Variants in OTOG observed in about 807,000 individuals in gnomAD.
The protein encoded by OTOG is otogelin.
A neutral mutation model predicts 313.8 loss-of-function variants in OTOG; 296 were observed. The ratio of observed to expected loss-of-function variants is 0.94; its 90% confidence interval spans 0.86 to 1.04. The LOEUF (loss-of-function observed/expected upper bound fraction) is 1.04. Ranked by LOEUF, OTOG falls within the 50% of genes least tolerant of loss-of-function variation. The pLI is 0.00. For missense variants in OTOG, 3,948 were observed against 3,840.1 expected (o/e 1.03, Z -0.74); for synonymous variants, 1,533 against 1,554.9 (o/e 0.99, Z 0.33).
At chr11:17,635,585 C>G (rs1854245129) in intron 46 of OTOG, 25 bp from the exon 47 acceptor site, 5 of 1,530,060 alleles carry the variant, frequency 3.3e-6, no homozygotes, top group Non-Finnish European at 4.4e-6. Flanking sequence ...ACTGCTGTGA[C>G]AGCATTGACC....
chr11:17,619,529 A>G (rs1293632662), intron 39 of OTOG, among the ~76,000 whole-genome samples: 1 of 151,422 alleles, frequency 6.6e-6, no homozygotes, highest in Non-Finnish European at 1.5e-5. Flanking sequence ...TTCATCTCCA[A>G]TGTTGGATTA....
intron 47 of OTOG, among the ~76,000 whole-genome samples, chr11:17,636,245 G>A (rs1307262517): frequency 6.6e-6 from 1 of 152,112 alleles, no homozygotes; most frequent in African/African-American, 2.4e-5. Flanking sequence ...TATAGTATGT[G>A]CATATCATGT....
chr11:17,552,766 C>T (rs990981555), intron 4 of OTOG, among the ~76,000 whole-genome samples: 5 of 152,258 alleles, frequency 3.3e-5, no homozygotes, highest in African/African-American at 9.6e-5. Context: ...GGAGCAGCAG[C>T]TGCAGATCTC....
chr11:17,553,160 G>C lies in OTOG; in HGVS notation c.334G>C (p.Ala112Pro). Reference protein sequence around the residue: ...CFNGGECVHPAFCDCRRFNAT... With the variant: ...CFNGGECVHPPFCDCRRFNAT... ...CAATGGAGGCGAGTGTGTGCACCCAGCCTTCTGTGACTGCAGACGCTTCAA... is the reference window on the plus strand; with the variant it reads ...CAATGGAGGCGAGTGTGTGCACCCACCCTTCTGTGACTGCAGACGCTTCAA... The change falls in exon 5 of 56, where the codon GCC becomes CCC. Residue 112 changes from alanine to proline, a missense_variant. Ala to Pro is a conservative substitution (Grantham distance 27). Transcript: ENST00000399397. The C allele has an allele frequency of 6.4e-7, 1 of 1,550,546 alleles. No homozygotes were observed.
Position 17,576,465 on chromosome 11 carries a change from C to T in OTOG, c.2487-91C>T, listed in dbSNP as rs1033371936. 3.1e-6 allele frequency: 3 copies of T among 976,498 alleles called. No homozygotes were observed. The African/African-American group carries it at 4.8e-5, about 16-fold the overall frequency. The allele number at this position is 976,498 out of a possible 1,614,324, so 60.5% of individuals were successfully genotyped here. A position where few individuals can be genotyped will look rare whatever the true frequency, so the allele number is the denominator to read the frequency against. ...TACTTTTCCCTGTGTCCTTATGCAC[C>T]TGGTTGGCTGAGGGTGGGGTCCCTG... On this transcript the variant is annotated intron_variant, in intron 20 of 55. Coordinates refer to ENST00000399397, the MANE Select transcript of OTOG (RefSeq NM_001292063.2).
intron 39 of OTOG, among the ~76,000 whole-genome samples, chr11:17,628,154 T>C (rs1318097756): frequency 1.3e-5 from 2 of 152,114 alleles, no homozygotes; most frequent in Non-Finnish European, 2.9e-5. Flanking sequence ...CATTGTTAGG[T>C]TACATATTTG....
intron 25 of OTOG, among the ~76,000 whole-genome samples, chr11:17,591,815 C>G (rs923880316): frequency 2.0e-5 from 3 of 152,204 alleles, no homozygotes; most frequent in Non-Finnish European, 2.9e-5. Flanking sequence ...TAATCTTGCT[C>G]TGTTGGGTCC....
At position 17,596,092 on chromosome 11, in the gene OTOG, C is replaced by A. The variant is rs868014625; in HGVS notation, c.3463C>A (p.Pro1155Thr). The A allele has an allele frequency of 3.2e-6, 5 of 1,550,744 alleles. No homozygotes were observed. In the African/African-American group the frequency reaches 5.5e-5, roughly 17 times the overall value. ...DMCVLNPLRE[P>T]FAKKECSILL... ...GTGTGTCCTGAATCCTCTCCGAGAA[C>A]CATTTGCCAAGAAGGAGTGCAGCAT... Residue 1155 changes from proline to threonine, a missense_variant, in exon 29 of 56, where the codon CCA becomes ACA. Coordinates refer to ENST00000399397, the MANE Select transcript of OTOG (RefSeq NM_001292063.2).
At chr11:17,609,065 G>C (rs1266575374) in intron 34 of OTOG, 65 bp from the exon 35 acceptor site, 1 of 1,308,558 alleles carries the variant, frequency 7.6e-7, no homozygotes, top group South Asian at 1.3e-5. Context: ...GTGCTCAATC[G>C]AGAGAAAAAG....
Position 17,612,386 on chromosome 11 carries a change from A to G in OTOG, c.6292+56A>G, listed in dbSNP as rs1853583017. 6.8e-6 allele frequency: 10 copies of G among 1,476,410 alleles called. No homozygotes were observed. In the East Asian group the frequency reaches 2.5e-4, roughly 37 times the overall value. The allele number at this position is 1,476,410 out of a possible 1,614,324, so 91.5% of individuals were successfully genotyped here. Reference sequence around the variant, plus strand: ...ATCCTCCCTGTATCCTTACCCCAGCATGACCGCCATCCCTGATCTGTGTGT... The same window carrying G: ...ATCCTCCCTGTATCCTTACCCCAGCGTGACCGCCATCCCTGATCTGTGTGT... On this transcript the variant is annotated intron_variant, in intron 37 of 55. Coordinates refer to ENST00000399397, the MANE Select transcript of OTOG (RefSeq NM_001292063.2).
At chr11:17,645,250 G>A (rs1848049347) in intron 54 of OTOG, among the ~76,000 whole-genome samples, 1 of 152,224 alleles carries the variant, frequency 6.6e-6, no homozygotes, top group East Asian at 1.9e-4. Context: ...ATAGGCATTA[G>A]GGCTGGGGTG....
chr11:17,551,861 G>A (rs1465649517), intron 3 of OTOG, 139 bp from the exon 4 acceptor site: 2 of 700,520 alleles, frequency 2.9e-6, no homozygotes, highest in Non-Finnish European at 2.5e-6. Context: ...CAGGCGAGGA[G>A]GAGTGGCTGG....
intron 25 of OTOG, among the ~76,000 whole-genome samples, chr11:17,592,152 G>T (rs1490024276): frequency 6.6e-6 from 1 of 152,132 alleles, no homozygotes; most frequent in African/African-American, 2.4e-5. Flanking sequence ...GATGTGGGGG[G>T]CACAGTGAAG....
At chr11:17,563,313 C>T (rs915992126) in intron 15 of OTOG, among the ~76,000 whole-genome samples, 7 of 152,236 alleles carry the variant, frequency 4.6e-5, no homozygotes, top group African/African-American at 1.7e-4. Context: ...AGCTGCCCCA[C>T]AGTCCTGCCT....
chr11:17,602,213 T>C lies in OTOG; in HGVS notation c.3713T>C (p.Leu1238Pro). The change falls in exon 32 of 56, where the codon CTA (leucine) becomes CCA (proline). Residue 1238 changes from leucine to proline, a missense_variant. Physicochemically the swap from Leu to Pro is moderately conservative, Grantham distance 98. Transcript: ENST00000399397. ...PYDCDFFNKV[L>P]GKGPYQLSSL... ...TGATGGGGCCTCTTCTCTCCAGTGCTAGGTAAGGGCCCCTATCAGCTATCC... is the reference window on the plus strand; with the variant it reads ...TGATGGGGCCTCTTCTCTCCAGTGCCAGGTAAGGGCCCCTATCAGCTATCC... The C allele has an allele frequency of 1.3e-6, 2 of 1,550,230 alleles. No homozygotes were observed. Among genetic ancestry groups the C allele is most frequent in the Non-Finnish European group, 1.7e-6 (2 of 1,146,922 alleles).
chr11:17,638,415 G>T (rs1847898698), intron 47 of OTOG, 36 bp from the exon 48 acceptor site: 6 of 1,500,500 alleles, frequency 4.0e-6, no homozygotes, highest in Non-Finnish European at 5.4e-6. Context: ...CCAGGTGCCT[G>T]TGACTGACGT....
intron 39 of OTOG, among the ~76,000 whole-genome samples, chr11:17,616,421 T>TG (rs1853722863): frequency 6.6e-6 from 1 of 152,242 alleles, no homozygotes; most frequent in Non-Finnish European, 1.5e-5. Flanking sequence ...TTCTACCAAA[T>TG]GTCTTCCTGG....
Position 17,574,469 on chromosome 11 carries a change from G to A in OTOG, c.2294-251G>A, listed in dbSNP as rs7950303. On this transcript the variant is annotated intron_variant, in intron 19 of 55. Coordinates refer to ENST00000399397, the MANE Select transcript of OTOG (RefSeq NM_001292063.2). ...GCCTTTTGGAGGAAAGGACCTGCCA[G>A]TGGTTTTCCAGGCTGAACTTGGTAG... 0.052 allele frequency among the ~76,000 whole-genome samples: 7,947 copies of A among 152,220 alleles called. 276 individuals carry two copies. Among genetic ancestry groups the A allele is most frequent in the African/African-American group, 0.092 (3,799 of 41,504 alleles).
At chr11:17,630,733 C>T (rs986489132) in intron 40 of OTOG, among the ~76,000 whole-genome samples, 5 of 152,104 alleles carry the variant, frequency 3.3e-5, no homozygotes, top group African/African-American at 9.7e-5. Context: ...GCATCTGAGG[C>T]GTCCTTGAAG....
Sources: allele counts gnomAD v4.1 joint callset (sites outside exome capture counted in the v4.1 genomes callset), GRCh38; gene constraint gnomAD v4.1.1; transcripts MANE v1.5; gene names NCBI Gene and HGNC (gene_info 2026-07-23, HGNC 2026-07-21).